The following ZNF777 variants were observed in gnomAD, a reference collection of about 807,000 sequenced individuals.
ZNF777 encodes the protein zinc finger protein 777.
Under a neutral mutation model 72.1 loss-of-function variants are expected in ZNF777, and 7 were observed. The ratio of observed to expected loss-of-function variants is 0.10; its 90% CI spans 0.06 to 0.18. The LOEUF is 0.18. ZNF777 is among the 10% of genes least tolerant of loss of function. The pLI is 1.00. For missense variants in ZNF777, 828 were observed against 1,128.6 expected, an observed-to-expected ratio of 0.73 and a Z score of 3.82; for synonymous variants, 545 against 483.5, an observed-to-expected ratio of 1.13 and a Z score of -1.67.
intron 4 of ZNF777, among the ~76,000 whole-genome samples, chr7:149,444,017 A>C (rs1338147258): frequency 1.3e-5 from 2 of 152,146 alleles, no homozygotes; most frequent in African/African-American, 4.8e-5. Flanking sequence ...TAAGTAACAC[A>C]CTTATATTGC....
chr7:149,434,257 G>A (rs1457601663), intron 5 of ZNF777, among the ~76,000 whole-genome samples: 1 of 152,156 alleles, frequency 6.6e-6, no homozygotes, highest in Non-Finnish European at 1.5e-5. Flanking sequence ...CCCAGCCAAC[G>A]TCTTGTAAGG....
rs779791514 is a variant in ZNF777, at chr7:149,455,148, T to C, written c.846+29A>G. 2 of 1,587,708 alleles carry C rather than the reference T, an allele frequency of 1.3e-6. No individual in the cohort carries two copies. Among genetic ancestry groups the C allele is most frequent in the Non-Finnish European group, 1.7e-6 (2 of 1,169,016 alleles). On this transcript the variant is annotated intron_variant, in intron 2 of 5. Coordinates refer to ENST00000247930, the MANE Select transcript of ZNF777 (RefSeq NM_015694.3). This position sits in a 1 kb window ranked among gnomAD's most constrained non-coding sequence, Gnocchi z 4.2. ...CCACACTCCAATTCAGATCACTTCC[T>C]TGGGAAGCCCCAGTTGGGATGTGCT...
At chr7:149,459,777 G>C in intron 1 of ZNF777, 1 of 985,022 alleles carries the variant, frequency 1.0e-6, no homozygotes, top group Non-Finnish European at 1.2e-6. Context: ...AGGCTCCGCG[G>C]GGCCGAGCTC....
chr7:149,459,134 G>GT (rs368551334), intron 1 of ZNF777, among the ~76,000 whole-genome samples: 221 of 151,584 alleles, frequency 1.5e-3, no homozygotes, highest in East Asian at 1.9e-3. Flanking sequence ...TTTCTCATGA[G>GT]TTTTTTTTTG....
At chr7:149,447,676 C>G (rs933076871) in intron 4 of ZNF777, among the ~76,000 whole-genome samples, 3 of 152,194 alleles carry the variant, frequency 2.0e-5, no homozygotes, top group South Asian at 4.1e-4. Flanking sequence ...GACCATCCCC[C>G]CTGCAGTGAG....
At chr7:149,457,158 C>T (rs982714885) in intron 1 of ZNF777, among the ~76,000 whole-genome samples, 1 of 152,198 alleles carries the variant, frequency 6.6e-6, no homozygotes, top group African/African-American at 2.4e-5. Flanking sequence ...CAATGACCCA[C>T]GCTCTCCTTG....
chr7:149,445,416 CAA>C (rs1799585751), intron 4 of ZNF777, among the ~76,000 whole-genome samples: 1 of 152,132 alleles, frequency 6.6e-6, no homozygotes, highest in Admixed American at 6.5e-5. Flanking sequence ...AGGGGACACT[CAA>C]GAGAACAGGG....
chr7:149,442,601 C>T (rs1310897443), intron 4 of ZNF777, among the ~76,000 whole-genome samples: 1 of 148,358 alleles, frequency 6.7e-6, no homozygotes, highest in Non-Finnish European at 1.5e-5. Context: ...GCCTGGGCAA[C>T]AGAGTGAGAC....
chr7:149,436,509 G>A lies in ZNF777; in HGVS notation c.1339+66C>T. 3.3e-6 allele frequency: 5 copies of A among 1,507,540 alleles called. No individual in the cohort carries two copies. Among genetic ancestry groups the A allele is most frequent in the Non-Finnish European group, 4.4e-6 (5 of 1,129,800 alleles). 93.4% of individuals were successfully genotyped at this position (1,507,540 alleles called of 1,614,324 possible). On this transcript the variant is annotated intron_variant, in intron 5 of 5. Coordinates refer to ENST00000247930, the MANE Select transcript of ZNF777 (RefSeq NM_015694.3). This position sits in a 1 kb window ranked among gnomAD's most constrained non-coding sequence, Gnocchi z 5.0. ...CTCTGAAGGAACCACAGCTTTCCCA[G>A]GGGGCAGGGGCCCTCTGGGAGGCCT...
chr7:149,434,470 T>C (rs1341543410), intron 5 of ZNF777, among the ~76,000 whole-genome samples: 1 of 152,200 alleles, frequency 6.6e-6, no homozygotes, highest in African/African-American at 2.4e-5. Context: ...TGGTAACTAG[T>C]TGCCCTGGTG....
chr7:149,435,074 TTA>T (rs1251057269), intron 5 of ZNF777, among the ~76,000 whole-genome samples: 2 of 152,228 alleles, frequency 1.3e-5, no homozygotes, highest in African/African-American at 4.8e-5. Context: ...AGAATTTACC[TTA>T]TGTCTTTTCA....
Position 149,455,306 on chromosome 7 carries a change from G to A in ZNF777, c.717C>T (p.Val239=), listed in dbSNP as rs370235914. The change falls in exon 2 of 6, where the codon GTC becomes GTT. Residue 239 remains valine (V), a synonymous_variant. Transcript: ENST00000247930. The surrounding 1 kb of genome is among the most constrained non-coding windows in gnomAD (Gnocchi z 4.2). ...ACTCCTGCAGCAGGGTCCCCAACAC[G>A]ACCCACTTGCTCTCCAGATGGTTCG... is the stretch of plus-strand genomic sequence containing the variant. ...EFANHLESKW[V]VLGTLLQEYG... is the part of the protein sequence containing the mutation. The A allele has an allele frequency of 4.7e-5, 76 of 1,614,038 alleles. No homozygotes were observed. The highest frequency in any genetic ancestry group is 1.5e-4 in the Admixed American group (9 of 60,000).
chr7:149,433,485 A>C (rs968685123), intron 5 of ZNF777, among the ~76,000 whole-genome samples: 7 of 151,724 alleles, frequency 4.6e-5, no homozygotes, highest in African/African-American at 1.5e-4. Context: ...CTCTGCCTGA[A>C]CTCTGCTCAG....
intron 4 of ZNF777, among the ~76,000 whole-genome samples, chr7:149,437,898 T>C (rs776636561): frequency 2.6e-5 from 4 of 151,556 alleles, no homozygotes; most frequent in Non-Finnish European, 5.9e-5. Flanking sequence ...CTTTTTTTTT[T>C]AGACGGAGTC....
chr7:149,439,909 T>C (rs1799478293), intron 4 of ZNF777, among the ~76,000 whole-genome samples: 2 of 152,238 alleles, frequency 1.3e-5, no homozygotes, highest in Admixed American at 1.3e-4. Context: ...CTAATTAGTT[T>C]ACTTATCTAG....
chr7:149,448,572 CATATAACTATA>C (rs1799654608), intron 4 of ZNF777, among the ~76,000 whole-genome samples: 3 of 105,570 alleles, frequency 2.8e-5, no homozygotes, highest in South Asian at 6.3e-4. Flanking sequence ...TATAGTTATA[CATATAACTATA>C]TATATATATA....
chr7:149,454,765 C>G (rs1444092754), intron 2 of ZNF777, among the ~76,000 whole-genome samples: 7 of 152,234 alleles, frequency 4.6e-5, no homozygotes, highest in Non-Finnish European at 7.3e-5. Flanking sequence ...CTGGCACTAA[C>G]ATGGCTTATA....
Position 149,432,453 on chromosome 7 carries a change from G to A in ZNF777, c.1819C>T (p.Arg607Cys), listed in dbSNP as rs1799329503. Residue 607 changes from arginine (R) to cysteine (C), a missense_variant, in exon 6 of 6, where the codon CGC becomes TGC. Transcript: ENST00000247930. ...TGCTTGGGGTTGAACGTGGGCCCGCGTTCGGGTGAGACGCAGCCTCCGCGC... is the reference window on the plus strand; with the variant it reads ...TGCTTGGGGTTGAACGTGGGCCCGCATTCGGGTGAGACGCAGCCTCCGCGC... Reference protein sequence around the residue: ...RVRGGCVSPERGPTFNPKHAL... With the variant: ...RVRGGCVSPECGPTFNPKHAL... 3 of 1,613,556 alleles carry A rather than the reference G, an allele frequency of 1.9e-6. No individual in the cohort carries two copies. The highest frequency in any genetic ancestry group is 8.5e-7 in the Non-Finnish European group (1 of 1,179,910).
At chr7:149,454,960 C>T (rs956657362) in intron 2 of ZNF777, among the ~76,000 whole-genome samples, 2 of 152,224 alleles carry the variant, frequency 1.3e-5, no homozygotes, top group African/African-American at 2.4e-5. Context: ...GCTGAACACC[C>T]TTCCAAACTG....
Sources: gnomAD v4.1 joint callset for allele counts (sites outside exome capture counted in the v4.1 genomes callset) on GRCh38, gnomAD v4.1.1 for gene constraint, Gnocchi (gnomAD v3.1) non-coding constraint, MANE v1.5 for transcripts, NCBI Gene and HGNC (gene_info 2026-07-23, HGNC 2026-07-21) for gene names.